Variants in IL31RA observed in about 807,000 individuals in gnomAD.
IL31RA encodes interleukin-31 receptor subunit alpha.
A neutral mutation model predicts 83.7 loss-of-function variants in IL31RA; 66 were observed. That is an observed-to-expected ratio of 0.79 (90% CI 0.65 to 0.97). The LOEUF is 0.97. IL31RA is among the 50% of genes least tolerant of loss of function. The pLI is 0.00. For synonymous variants in IL31RA, 325 were observed against 329.0 expected (o/e 0.99, Z 0.13); for missense variants, 798 against 919.4 (o/e 0.87, Z 1.71).
At chr5:55,913,378 CATT>C (rs1749612731) in intron 12 of IL31RA, 96 bp from the exon 13 acceptor site, 1 of 796,100 alleles carries the variant, frequency 1.3e-6, no homozygotes, top group Non-Finnish European at 2.2e-6. Flanking sequence ...ACTAATAAGA[CATT>C]GTGTTGCTGA....
intron 2 of IL31RA, among the ~76,000 whole-genome samples, chr5:55,864,449 A>G (rs1745897514): frequency 6.7e-6 from 1 of 149,728 alleles, no homozygotes. Context: ...CACACACACC[A>G]CACATACTGC....
At chr5:55,900,515 A>G (rs1156239064) in intron 8 of IL31RA, among the ~76,000 whole-genome samples, 1 of 152,090 alleles carries the variant, frequency 6.6e-6, no homozygotes, top group African/African-American at 2.4e-5. Flanking sequence ...TCTCCCCACA[A>G]ATGGGTACTC....
At chr5:55,885,391 A>T (rs2112450708) in intron 5 of IL31RA, among the ~76,000 whole-genome samples, 1 of 152,282 alleles carries the variant, frequency 6.6e-6, no homozygotes, top group East Asian at 1.9e-4. Context: ...TTGGGCGAAA[A>T]GGAAAAAAGA....
chr5:55,859,011 T>A lies in IL31RA; in HGVS notation c.64-498T>A, dbSNP rs186086157. On this transcript the variant is annotated intron_variant, in intron 1 of 14. Transcript: ENST00000652347. ...CCAACTGGCATCTCCATGCGGGAAT[T>A]CAGAGAGGGCGTCTTAGGGAAGGAG... is the stretch of plus-strand genomic sequence containing the variant. 2.3e-3 allele frequency among the ~76,000 whole-genome samples: 351 copies of A among 152,298 alleles called. 1 individual carries two copies. Among genetic ancestry groups the A allele is most frequent in the African/African-American group, 7.6e-3 (315 of 41,554 alleles).
chr5:55,858,683 T>C (rs1464527924), intron 1 of IL31RA, among the ~76,000 whole-genome samples: 2 of 152,214 alleles, frequency 1.3e-5, no homozygotes, highest in Non-Finnish European at 2.9e-5. Context: ...TATTTCTTCC[T>C]GAAATGAATT....
Position 55,906,185 on chromosome 5 carries a change from C to T in IL31RA, c.1149C>T (p.Asp383=), listed in dbSNP as rs368896460. ...TGAAGTGGCAAAGCTCTGCTCTAGA[C>T]GTGAACACTTGGATGATTGAATGGT... ...LVVKWQSSAL[D]VNTWMIEWFP... is the part of the protein sequence containing the mutation. The change falls in exon 9 of 15, where the codon GAC becomes GAT. Residue 383 remains aspartate, a synonymous_variant. Coordinates refer to ENST00000652347, the MANE Select transcript of IL31RA (RefSeq NM_139017.7). 18 of 1,613,906 alleles carry T rather than the reference C, an allele frequency of 1.1e-5. No individual in the cohort carries two copies. The African/African-American group carries it at 1.3e-4, about 12-fold the overall frequency.
At position 55,918,803 on chromosome 5, in the gene IL31RA, C is replaced by T. The variant is rs545227459; in HGVS notation, c.*1683C>T. Among the ~76,000 whole-genome samples, 355 of 152,246 alleles carry T rather than the reference C, an allele frequency of 2.3e-3. 2 individuals carry two copies. Among genetic ancestry groups the T allele is most frequent in the African/African-American group, 7.7e-3 (319 of 41,510 alleles). On this transcript the variant is annotated 3_prime_UTR_variant, in exon 15 of 15. Coordinates refer to ENST00000652347, the MANE Select transcript of IL31RA (RefSeq NM_139017.7). ...TCTCCAGCGGCTGCAGCCACCCCCCCACCACCCACCCAGGACTCAGTACTC... is the reference window on the plus strand; with the variant it reads ...TCTCCAGCGGCTGCAGCCACCCCCCTACCACCCACCCAGGACTCAGTACTC...
intron 2 of IL31RA, among the ~76,000 whole-genome samples, chr5:55,868,024 A>G (rs965800990): frequency 3.3e-5 from 5 of 152,252 alleles, no homozygotes; most frequent in Non-Finnish European, 7.3e-5. Flanking sequence ...CGAAAATATA[A>G]TATGAAAATA....
chr5:55,867,127 G>GTT (rs1561542907), intron 2 of IL31RA, among the ~76,000 whole-genome samples: 7 of 110,696 alleles, frequency 6.3e-5, no homozygotes, highest in African/African-American at 2.0e-4. Context: ...GTGTGTTTGT[G>GTT]TGTGTGTGCA....
At chr5:55,904,554 C>T (rs921148872) in intron 8 of IL31RA, among the ~76,000 whole-genome samples, 7 of 152,214 alleles carry the variant, frequency 4.6e-5, no homozygotes, top group Non-Finnish European at 8.8e-5. Flanking sequence ...CCTTCTGTGG[C>T]TTCACATTTC....
intron 6 of IL31RA, among the ~76,000 whole-genome samples, chr5:55,893,835 G>A (rs1037628780): frequency 3.5e-5 from 5 of 143,228 alleles, no homozygotes; most frequent in East Asian, 4.0e-4. Flanking sequence ...TTTTTGAGAC[G>A]GGGTCTCACT....
intron 10 of IL31RA, 73 bp from the exon 11 acceptor site, chr5:55,908,192 C>G: frequency 6.2e-7 from 1 of 1,606,216 alleles, no homozygotes; most frequent in Non-Finnish European, 8.5e-7. Flanking sequence ...GAGTACTGGC[C>G]AGGGCCTTTG....
At chr5:55,909,572 A>C (rs1749366717) in intron 11 of IL31RA, among the ~76,000 whole-genome samples, 1 of 152,022 alleles carries the variant, frequency 6.6e-6, no homozygotes, top group Non-Finnish European at 1.5e-5. Context: ...CCTTGTCAAT[A>C]CGTGTTATTT....
Position 55,899,967 on chromosome 5 carries a change from T to C in IL31RA, c.904T>C (p.Tyr302His). The C allele has an allele frequency of 6.2e-7, 1 of 1,614,224 alleles. No homozygotes were observed. Among genetic ancestry groups the C allele is most frequent in the Non-Finnish European group, 8.5e-7 (1 of 1,180,028 alleles). ...GAAAACACTTGGCTACAACATATGG[T>C]ACTATCCAGAAAGCAACACTAACCT... ...LEKTLGYNIWYYPESNTNLTE... is the reference protein window; with the variant it reads ...LEKTLGYNIWHYPESNTNLTE... Residue 302 changes from tyrosine (Y) to histidine (H), a missense_variant, in exon 8 of 15, where the codon TAC becomes CAC. Physicochemically the swap from Tyr to His is moderately conservative, Grantham distance 83. Transcript: ENST00000652347.
At chr5:55,912,414 C>T (rs1268433742) in intron 12 of IL31RA, among the ~76,000 whole-genome samples, 1 of 152,156 alleles carries the variant, frequency 6.6e-6, no homozygotes, top group African/African-American at 2.4e-5. Context: ...TTTCTTCTGC[C>T]TGGAATGCTT....
At chr5:55,854,747 G>A (rs1235465049) in intron 1 of IL31RA, among the ~76,000 whole-genome samples, 190 of 141,722 alleles carry the variant, frequency 1.3e-3, no homozygotes, top group Non-Finnish European at 1.4e-3. Context: ...CCCGTCTCCA[G>A]AAAAAAAAAA....
At chr5:55,845,837 C>T in the IL31RA span, among the ~76,000 whole-genome samples, 2 of 152,110 alleles carry the variant, frequency 1.3e-5, no homozygotes, top group African/African-American at 2.4e-5. Flanking sequence ...TTAAGAAGAA[C>T]GAAATGCTCT....
intron 6 of IL31RA, among the ~76,000 whole-genome samples, chr5:55,891,570 A>G (rs1366320925): frequency 6.6e-6 from 1 of 151,880 alleles, no homozygotes; most frequent in Admixed American, 6.6e-5. Flanking sequence ...CCATCATCAC[A>G]TCACCTTTCC....
At chr5:55,890,603 C>T (rs1747924236) in intron 6 of IL31RA, among the ~76,000 whole-genome samples, 1 of 152,184 alleles carries the variant, frequency 6.6e-6, no homozygotes, top group Non-Finnish European at 1.5e-5. Flanking sequence ...CTCCTGACCT[C>T]AGGTAATCTG....
Sources: gnomAD v4.1 joint callset for allele counts (sites outside exome capture counted in the v4.1 genomes callset) on GRCh38, gnomAD v4.1.1 for gene constraint, MANE v1.5 for transcripts, NCBI Gene and HGNC (gene_info 2026-07-23, HGNC 2026-07-21) for gene names.